CDK14: variants seen among roughly 807,000 people sequenced by gnomAD.
The protein encoded by CDK14 is cyclin dependent kinase 14.
CDK14 carries 34 observed loss-of-function variants against 60.7 expected under a neutral mutation model. That is an observed-to-expected ratio of 0.56 (90% CI 0.43 to 0.75). The LOEUF (loss-of-function observed/expected upper bound fraction) is 0.75. Ranked by LOEUF, CDK14 falls within the 30% of genes least tolerant of loss-of-function variation. The pLI, the probability that CDK14 is intolerant of heterozygous loss-of-function variation, is 0.00. For missense variants in CDK14, 482 were observed against 564.1 expected, an observed-to-expected ratio of 0.85 and a Z score of 1.47; for synonymous variants, 197 against 203.7, an observed-to-expected ratio of 0.97 and a Z score of 0.28.
At chr7:91,162,727 C>T (rs923270348) in intron 14 of CDK14, among the ~76,000 whole-genome samples, 2 of 152,128 alleles carry the variant, frequency 1.3e-5, no homozygotes, top group East Asian at 3.9e-4. Context: ...CTCATAGTAT[C>T]GTTGTGAGGA....
In CDK14 at chr7:91,112,677, C is replaced by T. The variant is rs940841590; in HGVS notation, c.1290C>T (p.Thr430=). 1.2e-5 allele frequency: 19 copies of T among 1,613,260 alleles called. No individual in the cohort carries two copies. The highest frequency in any genetic ancestry group is 3.3e-5 in the Admixed American group (2 of 59,922). ...SDLPPRLWEL[T]DMSSIFTVPN... is the part of the protein sequence containing the mutation. ...TGCCGCCACGGCTATGGGAACTCAC[C>T]GACAGTGAGTATGACAAATCCACAA... Residue 430 remains threonine (T), a synonymous_variant, in exon 13 of 15, where the codon ACC becomes ACT. Transcript: ENST00000380050.
chr7:90,850,323 T>C (rs529608551), intron 5 of CDK14, among the ~76,000 whole-genome samples: 1 of 152,336 alleles, frequency 6.6e-6, no homozygotes, highest in African/African-American at 2.4e-5. Flanking sequence ...GCATGCGTTA[T>C]TCAATCAGCA....
rs568930356 is a variant in CDK14, at chr7:90,862,754, G to A, written c.545-421G>A. Among the ~76,000 whole-genome samples, 35 of 152,098 alleles carry A rather than the reference G, an allele frequency of 2.3e-4. 1 individual carries two copies. Among genetic ancestry groups the A allele is most frequent in the Admixed American group, 5.2e-4 (8 of 15,276 alleles). ...TGTATACCAAGATAAACCATATTCT[G>A]GATAATAAACTATACAAATTTAAAG... On this transcript the variant is annotated intron_variant, in intron 5 of 14. Transcript: ENST00000380050.
At chr7:90,932,227 G>A (rs1793616456) in intron 8 of CDK14, among the ~76,000 whole-genome samples, 1 of 152,146 alleles carries the variant, frequency 6.6e-6, no homozygotes, top group African/African-American at 2.4e-5. Context: ...GTCTGCGGCT[G>A]GGAGCAGTGG....
chr7:91,079,880 C>T (rs1344769622), intron 12 of CDK14, among the ~76,000 whole-genome samples: 1 of 152,138 alleles, frequency 6.6e-6, no homozygotes, highest in Non-Finnish European at 1.5e-5. Context: ...TTTTTCACTT[C>T]GCATATTTTT....
At chr7:90,854,228 G>C (rs566960626) in intron 5 of CDK14, among the ~76,000 whole-genome samples, 7 of 152,252 alleles carry the variant, frequency 4.6e-5, no homozygotes, top group Non-Finnish European at 1.0e-4. Context: ...TATTCAGACA[G>C]CAAGGTCAGG....
At position 91,004,961 on chromosome 7, in the gene CDK14, C is replaced by T. The variant is rs186992491; in HGVS notation, c.1041+20720C>T. On this transcript the variant is annotated intron_variant, in intron 10 of 14. Coordinates refer to ENST00000380050, the MANE Select transcript of CDK14 (RefSeq NM_001287135.2). ...GGAGAGAACCCAAGAAAGAAACCAGCGTGGAAAGGCTCTCCCTCGCCAAGT... is the reference window on the plus strand; with the variant it reads ...GGAGAGAACCCAAGAAAGAAACCAGTGTGGAAAGGCTCTCCCTCGCCAAGT... Among the ~76,000 whole-genome samples, 371 of 152,258 alleles carry T rather than the reference C, an allele frequency of 2.4e-3. 1 individual carries two copies. The highest frequency in any genetic ancestry group is 4.4e-3 in the Non-Finnish European group (301 of 68,010).
intron 6 of CDK14, among the ~76,000 whole-genome samples, chr7:90,885,598 A>G (rs1005596112): frequency 3.9e-5 from 6 of 152,210 alleles, no homozygotes; most frequent in Admixed American, 2.0e-4. Context: ...TCATTCTACT[A>G]TGAAGACACA....
rs542879146 is a variant in CDK14, at chr7:90,867,623, G to T, written c.639+4354G>T. Among the ~76,000 whole-genome samples, 15 of 152,256 alleles carry T rather than the reference G, an allele frequency of 9.9e-5. No individual in the cohort carries two copies. In the East Asian group the frequency reaches 2.1e-3, roughly 22 times the overall value. ...ATTGTGATTACCAGGGAATAAGGAG[G>T]AGGGGAAAATAGGGAGTTGTTCAGT... On this transcript the variant is annotated intron_variant, in intron 6 of 14. Coordinates refer to ENST00000380050, the MANE Select transcript of CDK14 (RefSeq NM_001287135.2).
chr7:90,906,736 T>C (rs1792720268), intron 7 of CDK14, among the ~76,000 whole-genome samples: 1 of 152,050 alleles, frequency 6.6e-6, no homozygotes, highest in Non-Finnish European at 1.5e-5. Context: ...ATTACAATGG[T>C]AATGTATCCT....
At chr7:91,074,769 A>G (rs1482494884) in intron 11 of CDK14, among the ~76,000 whole-genome samples, 3 of 152,198 alleles carry the variant, frequency 2.0e-5, no homozygotes, top group African/African-American at 7.2e-5. Flanking sequence ...ATGAAAAGAG[A>G]GAAGAATCAA....
chr7:90,672,699 AG>A (rs1801122135), intron 2 of CDK14, among the ~76,000 whole-genome samples: 1 of 150,748 alleles, frequency 6.6e-6, no homozygotes, highest in African/African-American at 2.4e-5. Flanking sequence ...TTTTATTTTT[AG>A]TTTTGTAGAG....
intron 9 of CDK14, among the ~76,000 whole-genome samples, chr7:90,978,299 T>C (rs955189393): frequency 9.9e-5 from 15 of 152,142 alleles, no homozygotes; most frequent in African/African-American, 3.1e-4. Context: ...GAGCCTCTAC[T>C]GTTGATTTTA....
intron 5 of CDK14, among the ~76,000 whole-genome samples, chr7:90,850,763 T>A (rs996328895): frequency 2.6e-5 from 4 of 152,098 alleles, no homozygotes; most frequent in Non-Finnish European, 5.9e-5. Context: ...CTCTTCTAAG[T>A]CCTGTTAAGC....
intron 12 of CDK14, among the ~76,000 whole-genome samples, chr7:91,096,144 G>A (rs1042765781): frequency 6.8e-5 from 10 of 147,402 alleles, no homozygotes; most frequent in Admixed American, 2.1e-4. Flanking sequence ...GGCTCCCAGC[G>A]ATCCCACCTT....
At chr7:90,883,470 C>G (rs1282622777) in intron 6 of CDK14, among the ~76,000 whole-genome samples, 1 of 151,980 alleles carries the variant, frequency 6.6e-6, no homozygotes, top group Non-Finnish European at 1.5e-5. Flanking sequence ...AACAAAAGCC[C>G]CGGACCAGAT....
chr7:90,637,277 T>A (rs1484849610), intron 2 of CDK14, among the ~76,000 whole-genome samples: 2 of 151,710 alleles, frequency 1.3e-5, no homozygotes, highest in African/African-American at 4.8e-5. Context: ...CATTTAGTGC[T>A]ATAAATTTCC....
At chr7:90,642,680 T>A (rs1200685901) in intron 2 of CDK14, among the ~76,000 whole-genome samples, 1 of 152,206 alleles carries the variant, frequency 6.6e-6, no homozygotes, top group African/African-American at 2.4e-5. Context: ...GTGCCTAGCA[T>A]GAATTGGGAT....
intron 6 of CDK14, among the ~76,000 whole-genome samples, chr7:90,869,638 A>G (rs1791302315): frequency 6.6e-6 from 1 of 152,248 alleles, no homozygotes; most frequent in Non-Finnish European, 1.5e-5. Context: ...GAGACCAGTC[A>G]GGAGGCTATT....
Sources: allele counts gnomAD v4.1 joint callset (sites outside exome capture counted in the v4.1 genomes callset), GRCh38; gene constraint gnomAD v4.1.1; transcripts MANE v1.5; gene names NCBI Gene and HGNC (gene_info 2026-07-23, HGNC 2026-07-21).